Variants in DCLK1 observed in about 807,000 individuals in gnomAD.
The protein encoded by DCLK1 is doublecortin like kinase 1, also known as serine/threonine-protein kinase DCLK1.
In DCLK1, 16 loss-of-function variants were observed where a neutral mutation model predicts 86.2. The observed-to-expected ratio is 0.19, with a 90% CI of 0.13 to 0.28. The LOEUF (loss-of-function observed/expected upper bound fraction) is 0.28. Among genes scored for constraint, DCLK1 ranks in the 10% least tolerant of loss-of-function variants. The pLI, the probability that DCLK1 is intolerant of heterozygous loss-of-function variation, is 1.00. For synonymous variants in DCLK1, 369 were observed against 370.5 expected (o/e 1.00, Z 0.05); for missense variants, 590 against 940.2 (o/e 0.63, Z 4.87).
At chr13:35,914,333 ATATAT>A (rs1452092245) in intron 4 of DCLK1, among the ~76,000 whole-genome samples, 2 of 32,972 alleles carry the variant, frequency 6.1e-5, no homozygotes, top group Admixed American at 3.4e-4. Context: ...AAAAAAAAAA[ATATAT>A]ATATATATAT....
chr13:35,824,459 C>T (rs1379024365), intron 10 of DCLK1, among the ~76,000 whole-genome samples: 2 of 152,138 alleles, frequency 1.3e-5, no homozygotes, highest in Non-Finnish European at 2.9e-5. Flanking sequence ...GGATTACATG[C>T]GTGAGCCACT....
In DCLK1 at chr13:35,850,568, A is replaced by G. The variant is rs773198725; in HGVS notation, c.1035+3931T>C. 2,589 of 1,259,910 alleles carry G rather than the reference A, an allele frequency of 2.1e-3. 7 individuals carry two copies. The highest frequency in any genetic ancestry group is 2.5e-3 in the Non-Finnish European group (2,460 of 995,628). The allele number at this position is 1,259,910 out of a possible 1,614,324, so 78.0% of individuals were successfully genotyped here. A position where few individuals can be genotyped will look rare whatever the true frequency, so the allele number is the denominator to read the frequency against. ...TTTCAAGGTTGAACATCACGAAAACAAAATGCATACATATTTACTTTTGGA... is the reference window on the plus strand; with the variant it reads ...TTTCAAGGTTGAACATCACGAAAACGAAATGCATACATATTTACTTTTGGA... On this transcript the variant is annotated intron_variant, in intron 6 of 16. Transcript: ENST00000360631.
chr13:35,827,466 G>A (rs958906696), intron 10 of DCLK1, among the ~76,000 whole-genome samples, 169 bp downstream of exon 10: 12 of 152,136 alleles, frequency 7.9e-5, no homozygotes, highest in Admixed American at 6.5e-5. Context: ...TGCCAAGGCT[G>A]GGACTTGAGC....
chr13:36,058,831 C>T (rs748808473), intron 3 of DCLK1, among the ~76,000 whole-genome samples: 1 of 152,090 alleles, frequency 6.6e-6, no homozygotes, highest in Non-Finnish European at 1.5e-5. Context: ...AGTATATGCT[C>T]AGTAGGGATT....
At chr13:36,123,488 G>A (rs74416048) in intron 2 of DCLK1, among the ~76,000 whole-genome samples, 4,914 of 152,068 alleles carry the variant, frequency 0.032, 169 homozygotes, top group African/African-American at 0.089. Context: ...ATATTCAGTC[G>A]GCAGTTACTT....
chr13:36,072,569 G>T (rs1159388), intron 3 of DCLK1, among the ~76,000 whole-genome samples: 104,349 of 152,168 alleles, frequency 0.69, 36,730 homozygotes, highest in East Asian at 0.99. Flanking sequence ...TAACTTCTCT[G>T]GTACAACTAA....
At chr13:35,947,550 C>T in intron 3 of DCLK1, 93 bp from the exon 4 acceptor site, 1 of 984,938 alleles carries the variant, frequency 1.0e-6, no homozygotes. Context: ...AAAGCCCCTT[C>T]CCACCTAATG....
At chr13:36,074,491 A>G (rs1489763656) in intron 3 of DCLK1, among the ~76,000 whole-genome samples, 27 of 40,336 alleles carry the variant, frequency 6.7e-4, no homozygotes, top group South Asian at 1.6e-3. Context: ...AAAAAAAAAA[A>G]AAAAAAAAAA....
intron 3 of DCLK1, among the ~76,000 whole-genome samples, chr13:36,048,562 T>C (rs1037062670): frequency 1.3e-5 from 2 of 152,166 alleles, no homozygotes; most frequent in African/African-American, 2.4e-5. Context: ...TCTGAACCAT[T>C]TGGCAGACTG....
chr13:35,826,542 A>G (rs372187483), intron 10 of DCLK1, among the ~76,000 whole-genome samples: 1,907 of 24,792 alleles, frequency 0.077, 160 homozygotes, highest in East Asian at 0.14. Context: ...AAAAAAAAAA[A>G]GAAAGAAAGA....
intron 3 of DCLK1, among the ~76,000 whole-genome samples, chr13:36,081,694 G>T (rs540303674): frequency 2.6e-5 from 4 of 152,182 alleles, no homozygotes; most frequent in East Asian, 3.9e-4. Flanking sequence ...GCGCATGAAG[G>T]TCTCACAACT....
chr13:35,941,887 A>T (rs1294166069), intron 4 of DCLK1, among the ~76,000 whole-genome samples: 1 of 152,200 alleles, frequency 6.6e-6, no homozygotes, highest in Non-Finnish European at 1.5e-5. Flanking sequence ...CATATCACAT[A>T]ACATCTCATA....
chr13:36,065,168 C>T (rs531644947), intron 3 of DCLK1, among the ~76,000 whole-genome samples: 11 of 152,254 alleles, frequency 7.2e-5, no homozygotes, highest in African/African-American at 2.4e-4. Flanking sequence ...AATTGAAATC[C>T]CACCTCTACC....
At position 35,813,990 on chromosome 13, in the gene DCLK1, G is replaced by GT. The variant is rs112154184; in HGVS notation, c.1555-3023dup. On this transcript the variant is annotated intron_variant, in intron 11 of 16. Transcript: ENST00000360631. ...GCAGGGCAGGAAACAAGGTCACTCT[G>GT]TTTTTTTTCTCTGTCAACACTTTGG... Among the ~76,000 whole-genome samples the GT allele has an allele frequency of 1.3e-5, 2 of 151,942 alleles. 1 individual carries two copies. The highest frequency in any genetic ancestry group is 3.9e-4 in the East Asian group (2 of 5,160).
chr13:35,872,089 G>C (rs543188244), intron 4 of DCLK1, among the ~76,000 whole-genome samples: 26 of 152,264 alleles, frequency 1.7e-4, no homozygotes, highest in African/African-American at 5.8e-4. Flanking sequence ...TTCTCTCTTA[G>C]TGAGCTCCCT....
rs1555347976 is a variant in DCLK1 at position 35,894,151 on chromosome 13, A to AAC, written c.824-22812_824-22811insGT. Among the ~76,000 whole-genome samples, 433 of 152,276 alleles carry AAC rather than the reference A, an allele frequency of 2.8e-3. 5 individuals carry two copies. Among genetic ancestry groups the AAC allele is most frequent in the African/African-American group, 9.9e-3 (410 of 41,556 alleles). On this transcript the variant is annotated intron_variant, in intron 4 of 16. Transcript: ENST00000360631. ...AATCAAACAAACAAACAAAAAAAAA[A>AAC]CAACCAAACCCTTGTATCTGAAATA...
chr13:36,128,098 C>A (rs1040588880), intron 1 of DCLK1, among the ~76,000 whole-genome samples: 36 of 152,180 alleles, frequency 2.4e-4, no homozygotes, highest in Admixed American at 8.5e-4. Context: ...CCTCAGTAAA[C>A]TGACCTCTGA....
intron 16 of DCLK1, among the ~76,000 whole-genome samples, chr13:35,785,640 T>C (rs984192536): frequency 1.3e-5 from 2 of 152,128 alleles, no homozygotes; most frequent in Admixed American, 1.3e-4. Context: ...CCTGAGGAGA[T>C]GGTTTTCCCA....
At chr13:35,882,372 C>A (rs1872967155) in intron 4 of DCLK1, among the ~76,000 whole-genome samples, 1 of 152,186 alleles carries the variant, frequency 6.6e-6, no homozygotes, top group Admixed American at 6.5e-5. Context: ...CCTGTAGAGA[C>A]CTTTTTCCAA....
Sources: gnomAD v4.1 joint callset for allele counts (sites outside exome capture counted in the v4.1 genomes callset) on GRCh38, gnomAD v4.1.1 for gene constraint, MANE v1.5 for transcripts, NCBI Gene and HGNC (gene_info 2026-07-23, HGNC 2026-07-21) for gene names.